The following AKAP7 variants were observed in gnomAD, a reference collection of about 807,000 sequenced individuals.
AKAP7 encodes the protein A-kinase anchoring protein 7, also known as A kinase (PRKA) anchor protein 7.
A neutral mutation model predicts 39.5 loss-of-function variants in AKAP7; 39 were observed. That is an observed-to-expected ratio of 0.99 (90% CI 0.76 to 1.29). The LOEUF is 1.29. Among genes scored for constraint, AKAP7 ranks in the 50% most tolerant of loss-of-function variants. The pLI, the probability that AKAP7 is intolerant of heterozygous loss-of-function variation, is 0.00. For synonymous variants in AKAP7, 140 were observed against 139.1 expected, an observed-to-expected ratio of 1.01 and a Z score of -0.05; for missense variants, 414 against 407.7, an observed-to-expected ratio of 1.02 and a Z score of -0.13.
the AKAP7 span, among the ~76,000 whole-genome samples, chr6:131,126,359 C>A: frequency 6.6e-6 from 1 of 152,028 alleles, no homozygotes. Context: ...AATGAATTAG[C>A]GATGCAAATG....
chr6:131,132,906 TC>T, upstream of AKAP7, among the ~76,000 whole-genome samples: 1 of 152,278 alleles, frequency 6.6e-6, no homozygotes, highest in East Asian at 1.9e-4. Context: ...AAAAATATGT[TC>T]TCTCCTGAGC....
chr6:131,227,291 G>C (rs896832845), intron 7 of AKAP7, among the ~76,000 whole-genome samples: 1 of 152,158 alleles, frequency 6.6e-6, no homozygotes, highest in African/African-American at 2.4e-5. Flanking sequence ...GCAGGGTGGA[G>C]GCATTAATAG....
At chr6:131,144,928 G>C (rs1224647481) in intron 1 of AKAP7, among the ~76,000 whole-genome samples, 1 of 152,142 alleles carries the variant, frequency 6.6e-6, no homozygotes, top group Non-Finnish European at 1.5e-5. Context: ...ATAAGAATGA[G>C]AATGACTGAC....
intron 7 of AKAP7, among the ~76,000 whole-genome samples, chr6:131,256,903 A>G (rs1812911213): frequency 2.0e-5 from 3 of 152,080 alleles, no homozygotes; most frequent in South Asian, 4.1e-4. Flanking sequence ...TTATAGTAAA[A>G]TAATGAAATA....
At chr6:131,220,928 A>G (rs1303532609) in intron 7 of AKAP7, among the ~76,000 whole-genome samples, 1 of 152,182 alleles carries the variant, frequency 6.6e-6, no homozygotes, top group Non-Finnish European at 1.5e-5. Flanking sequence ...CCGAACAGCC[A>G]TTCATTCCCC....
chr6:131,261,866 G>T (rs1025915570), intron 7 of AKAP7, among the ~76,000 whole-genome samples: 2 of 152,214 alleles, frequency 1.3e-5, no homozygotes, highest in East Asian at 1.9e-4. Context: ...TTAACAGAGA[G>T]AATTTAACGT....
rs748272020 is a variant in AKAP7 at position 131,199,467 on chromosome 6, C to A, written c.596C>A (p.Ala199Glu). The A allele has an allele frequency of 6.3e-7, 1 of 1,585,738 alleles. No individual in the cohort carries two copies. Among genetic ancestry groups the A allele is most frequent in the South Asian group, 1.1e-5 (1 of 89,236 alleles). The change falls in exon 6 of 8, where the codon GCA (alanine) becomes GAA (glutamate). Residue 199 changes from alanine (A) to glutamate (E), a missense_variant. Physicochemically the swap from Ala to Glu is moderately radical, Grantham distance 107. Coordinates refer to ENST00000431975, the MANE Select transcript of AKAP7 (RefSeq NM_016377.4). ...TTCTCTTTATTTTCTTCAGAGACTG[C>A]AAATAGGACATTTCAAGAAAAAGGC... Reference protein sequence around the residue: ...VNSLLEIAETANRTFQEKGIL... With the variant: ...VNSLLEIAETENRTFQEKGIL...
chr6:131,141,351 CT>C (rs1211486089), intron 1 of AKAP7, among the ~76,000 whole-genome samples: 3 of 152,166 alleles, frequency 2.0e-5, no homozygotes, highest in African/African-American at 7.2e-5. Flanking sequence ...ATTGGCTTCC[CT>C]TTGCCTTCCA....
intron 2 of AKAP7, among the ~76,000 whole-genome samples, chr6:131,155,528 G>A (rs1048416427): frequency 2.0e-5 from 3 of 152,070 alleles, no homozygotes; most frequent in Admixed American, 1.3e-4. Context: ...TTTTGAAATG[G>A]TGATATTCTA....
intron 5 of AKAP7, among the ~76,000 whole-genome samples, chr6:131,190,763 C>T (rs751532829): frequency 4.6e-5 from 7 of 151,948 alleles, no homozygotes; most frequent in Non-Finnish European, 1.0e-4. Context: ...TACAAATGCC[C>T]ACTGTTTTAA....
intron 6 of AKAP7, among the ~76,000 whole-genome samples, chr6:131,217,059 G>T (rs1302581529): frequency 6.6e-6 from 1 of 151,606 alleles, no homozygotes; most frequent in Non-Finnish European, 1.5e-5. Context: ...ATAGTGCCTT[G>T]GGTCTGGCCT....
chr6:131,221,210 A>G (rs1044626606), intron 7 of AKAP7, among the ~76,000 whole-genome samples: 1 of 152,244 alleles, frequency 6.6e-6, no homozygotes, highest in Non-Finnish European at 1.5e-5. Flanking sequence ...AAAAAGTTTT[A>G]GTGGTCTAGA....
At chr6:131,161,652 A>G in intron 3 of AKAP7, among the ~76,000 whole-genome samples, 1 of 78,880 alleles carries the variant, frequency 1.3e-5, no homozygotes, top group South Asian at 3.0e-4. Context: ...CTCAAAAAAA[A>G]AAAAAAAAAA....
intron 7 of AKAP7, among the ~76,000 whole-genome samples, chr6:131,220,525 A>G (rs1809606915): frequency 6.6e-6 from 1 of 152,226 alleles, no homozygotes; most frequent in Admixed American, 6.5e-5. Flanking sequence ...ACTTCAAGAC[A>G]ACCTGATTTA....
rs572563667 is a variant in AKAP7, at chr6:131,202,780, TAAAG to T, written c.702+3211_702+3214del. ...ATAATAATAATAAAATAAAATAAAA[TAAAG>T]AAAACAAATTATGATATTATCATTT... On this transcript the variant is annotated intron_variant, in intron 6 of 7. Transcript: ENST00000431975. Among the ~76,000 whole-genome samples the T allele has an allele frequency of 7.9e-3, 1,195 of 152,038 alleles. 8 individuals carry two copies. Among genetic ancestry groups the T allele is most frequent in the African/African-American group, 0.025 (1,055 of 41,492 alleles).
chr6:131,146,931 A>C (rs895362500), intron 2 of AKAP7, among the ~76,000 whole-genome samples: 1 of 152,238 alleles, frequency 6.6e-6, no homozygotes, highest in Non-Finnish European at 1.5e-5. Context: ...TCCCAGCTTC[A>C]TTGGGGAGCC....
chr6:131,154,501 T>G (rs1802245871), intron 2 of AKAP7, among the ~76,000 whole-genome samples: 1 of 150,000 alleles, frequency 6.7e-6, no homozygotes, highest in Admixed American at 6.6e-5. Context: ...AATGTTGCAT[T>G]GTAGAAACTT....
At chr6:131,126,578 T>C in the AKAP7 span, among the ~76,000 whole-genome samples, 1 of 152,170 alleles carries the variant, frequency 6.6e-6, no homozygotes, top group East Asian at 1.9e-4. Flanking sequence ...TAAACATTTA[T>C]TTAGAAACTC....
At chr6:131,277,007 GTTAT>G (rs1202051811) in intron 7 of AKAP7, among the ~76,000 whole-genome samples, 2 of 152,156 alleles carry the variant, frequency 1.3e-5, no homozygotes, top group Admixed American at 1.3e-4. Flanking sequence ...CCACAAAGGA[GTTAT>G]TTATTTTCTT....
Sources: allele counts gnomAD v4.1 joint callset (sites outside exome capture counted in the v4.1 genomes callset), GRCh38; gene constraint gnomAD v4.1.1; transcripts MANE v1.5; gene names NCBI Gene and HGNC (gene_info 2026-07-23, HGNC 2026-07-21).